CORO1C: variants seen among roughly 807,000 people sequenced by gnomAD.
CORO1C encodes the protein coronin-1C.
In CORO1C, 14 loss-of-function variants were observed where a neutral mutation model predicts 51.2. The ratio of observed to expected loss-of-function variants is 0.27; its 90% CI spans 0.18 to 0.43. The LOEUF (loss-of-function observed/expected upper bound fraction) is 0.43. Among genes scored for constraint, CORO1C ranks in the 20% least tolerant of loss-of-function variants. The pLI, the probability that CORO1C is intolerant of heterozygous loss-of-function variation, is 1.00. For missense variants in CORO1C, 417 were observed against 607.8 expected (o/e 0.69, Z 3.30); for synonymous variants, 181 against 210.5 (o/e 0.86, Z 1.21).
At chr12:108,696,600 T>C (rs562024950) in intron 2 of CORO1C, among the ~76,000 whole-genome samples, 2 of 152,318 alleles carry the variant, frequency 1.3e-5, no homozygotes, top group South Asian at 2.1e-4. Context: ...CTGTGTGCTC[T>C]TGAGACAAGG....
At position 108,655,514 on chromosome 12, in the gene CORO1C, C is replaced by G. The variant is rs1039042412; in HGVS notation, c.751-1104G>C. Among the ~76,000 whole-genome samples, 4 of 152,284 alleles carry G rather than the reference C, an allele frequency of 2.6e-5. No homozygotes were observed. In the East Asian group the frequency reaches 7.7e-4, roughly 29 times the overall value. On this transcript the variant is annotated intron_variant, in intron 6 of 10. Transcript: ENST00000261401. The stretch of plus-strand genomic sequence containing the variant: ...CCTGCCTCAGCCTGCTGAGTGCCTG[C>G]GATTGCAAGCGCGCACCGCCACGCC...
chr12:108,707,028 G>A (rs1388904578), intron 1 of CORO1C, among the ~76,000 whole-genome samples: 1 of 152,134 alleles, frequency 6.6e-6, no homozygotes, highest in Admixed American at 6.5e-5. Context: ...AAATACTGTT[G>A]AAAGAAATTA....
intron 3 of CORO1C, among the ~76,000 whole-genome samples, chr12:108,672,061 C>T (rs2033740874): frequency 1.3e-5 from 2 of 152,108 alleles, no homozygotes; most frequent in African/African-American, 4.8e-5. Flanking sequence ...CTGTCCCTGC[C>T]CAATCATTTT....
chr12:108,647,335 C>A lies in CORO1C; in HGVS notation c.*68G>T. ...TCCCTTTCCGCCCTCCCTAGGACCA[C>A]ACCAATAACCAGCTCCCAAGCACAA... On this transcript the variant is annotated 3_prime_UTR_variant, in exon 11 of 11. Coordinates refer to ENST00000261401, the MANE Select transcript of CORO1C (RefSeq NM_014325.4). 6.5e-7 allele frequency: 1 copy of A among 1,544,710 alleles called. No individual in the cohort carries two copies. The highest frequency in any genetic ancestry group is 8.8e-7 in the Non-Finnish European group (1 of 1,133,658).
At position 108,660,758 on chromosome 12, in the gene CORO1C, G is replaced by C. The variant is rs144698349; in HGVS notation, c.448+1271C>G. ...TTTCCATGAAGGAATTCCAGCTCTG[G>C]AATTTTTTTCCTCTCCTTAATCAGA... is the stretch of plus-strand genomic sequence containing the variant. On this transcript the variant is annotated intron_variant, in intron 4 of 10. Transcript: ENST00000261401. 3.6e-3 allele frequency among the ~76,000 whole-genome samples: 541 copies of C among 152,260 alleles called. 4 individuals carry two copies. The highest frequency in any genetic ancestry group is 0.013 in the African/African-American group (520 of 41,544).
chr12:108,669,023 G>A (rs1288882333), intron 3 of CORO1C, among the ~76,000 whole-genome samples: 2 of 152,144 alleles, frequency 1.3e-5, no homozygotes, highest in African/African-American at 2.4e-5. Context: ...TTACACAACT[G>A]CTGTGTGATA....
At chr12:108,721,503 T>A (rs1194128356) in intron 1 of CORO1C, among the ~76,000 whole-genome samples, 2 of 152,232 alleles carry the variant, frequency 1.3e-5, no homozygotes, top group Non-Finnish European at 2.9e-5. Flanking sequence ...TTGTAATGTA[T>A]TTTTTAAACT....
intron 1 of CORO1C, among the ~76,000 whole-genome samples, chr12:108,716,046 G>A (rs898788256): frequency 4.1e-4 from 58 of 139,878 alleles, no homozygotes; most frequent in African/African-American, 1.4e-3. Context: ...CAGGAGAATC[G>A]CTTGAACCCG....
intron 1 of CORO1C, among the ~76,000 whole-genome samples, chr12:108,726,898 A>T (rs2035607082): frequency 6.6e-6 from 1 of 152,176 alleles, no homozygotes; most frequent in Non-Finnish European, 1.5e-5. Flanking sequence ...GCCATTGGGG[A>T]AATGTTTTAA....
intron 2 of CORO1C, among the ~76,000 whole-genome samples, chr12:108,699,932 A>G (rs928203047): frequency 6.6e-6 from 1 of 152,168 alleles, no homozygotes; most frequent in Non-Finnish European, 1.5e-5. Flanking sequence ...CACTGAAGTA[A>G]AAATCAGATG....
At chr12:108,694,925 T>C (rs973320455) in intron 2 of CORO1C, among the ~76,000 whole-genome samples, 2 of 152,358 alleles carry the variant, frequency 1.3e-5, no homozygotes, top group Non-Finnish European at 1.5e-5. Flanking sequence ...TAAGAATATA[T>C]GTATTAGTTA....
At chr12:108,701,502 C>A in intron 1 of CORO1C, 179 bp from the exon 2 acceptor site, 1 of 798,880 alleles carries the variant, frequency 1.3e-6, no homozygotes. Context: ...GAGACAACTG[C>A]AAAATGCGTC....
At chr12:108,653,643 G>C (rs748417022) in intron 7 of CORO1C, among the ~76,000 whole-genome samples, 13 of 152,206 alleles carry the variant, frequency 8.5e-5, no homozygotes, top group Non-Finnish European at 1.6e-4. Flanking sequence ...CCACAGTCTA[G>C]GTATGCTGAG....
At chr12:108,727,504 T>C (rs2035620477) in intron 1 of CORO1C, among the ~76,000 whole-genome samples, 1 of 152,184 alleles carries the variant, frequency 6.6e-6, no homozygotes, top group South Asian at 2.1e-4. Context: ...ACTCCACACC[T>C]CATTAAGGAG....
At chr12:108,717,045 C>T (rs1387608404) in intron 1 of CORO1C, among the ~76,000 whole-genome samples, 2 of 152,174 alleles carry the variant, frequency 1.3e-5, no homozygotes, top group African/African-American at 2.4e-5. Context: ...ATTAGCATGC[C>T]GCTGTGGCAA....
intron 1 of CORO1C, among the ~76,000 whole-genome samples, chr12:108,713,784 G>A (rs1056935064): frequency 2.6e-5 from 4 of 152,178 alleles, no homozygotes; most frequent in Admixed American, 6.5e-5. Context: ...AATCAATCCC[G>A]AATCATATAT....
chr12:108,686,920 G>A (rs1196875063), intron 2 of CORO1C, among the ~76,000 whole-genome samples: 3 of 152,070 alleles, frequency 2.0e-5, no homozygotes, highest in Non-Finnish European at 4.4e-5. Flanking sequence ...CAAGGGAGAG[G>A]TGTAATGGCA....
intron 3 of CORO1C, 85 bp from the exon 4 acceptor site, chr12:108,662,243 T>G: frequency 8.4e-7 from 1 of 1,195,908 alleles, no homozygotes; most frequent in East Asian, 2.3e-5. Context: ...CTATAAAGAT[T>G]TGCTCTATGT....
intron 1 of CORO1C, among the ~76,000 whole-genome samples, chr12:108,704,405 G>A (rs1304395355): frequency 6.6e-6 from 1 of 151,740 alleles, no homozygotes. Flanking sequence ...CTGGTAGGCG[G>A]AGGCTTCAGT....
Sources: allele counts gnomAD v4.1 joint callset (sites outside exome capture counted in the v4.1 genomes callset), GRCh38; gene constraint gnomAD v4.1.1; transcripts MANE v1.5; gene names NCBI Gene and HGNC (gene_info 2026-07-23, HGNC 2026-07-21).